The following PAPSS2 variants were observed in gnomAD, a reference collection of about 807,000 sequenced individuals.
PAPSS2 encodes bifunctional 3'-phosphoadenosine 5'-phosphosulfate synthase 2.
A neutral mutation model predicts 66.5 loss-of-function variants in PAPSS2; 61 were observed. The ratio of observed to expected loss-of-function variants is 0.92; its 90% CI spans 0.75 to 1.14. The LOEUF is 1.14. Among genes scored for constraint, PAPSS2 ranks in the 50% most tolerant of loss-of-function variants. The pLI is 0.00. For synonymous variants in PAPSS2, 289 were observed against 287.5 expected (o/e 1.01, Z -0.05); for missense variants, 708 against 789.6 (o/e 0.90, Z 1.24).
chr10:87,707,512 G>A (rs75461186), intron 1 of PAPSS2, among the ~76,000 whole-genome samples: 7 of 148,982 alleles, frequency 4.7e-5, no homozygotes, highest in African/African-American at 1.2e-4. Context: ...CTATTTTCCC[G>A]AAGTTTCTAT....
chr10:87,713,346 C>T lies in PAPSS2; in HGVS notation c.381+36C>T, dbSNP rs756350023. On this transcript the variant is annotated intron_variant, in intron 3 of 12. Transcript: ENST00000456849. ...AAAAAAAAAAAAAAGGCACTACACA[C>T]GATTCCCACACACAGTGCAAGTGCT... 2.8e-5 allele frequency: 31 copies of T among 1,105,542 alleles called. 1 individual carries two copies. The highest frequency in any genetic ancestry group is 1.0e-4 in the East Asian group (3 of 29,914). The allele number at this position is 1,105,542 out of a possible 1,614,324, so 68.5% of individuals were successfully genotyped here.
chr10:87,667,937 A>T (rs1852833464), intron 1 of PAPSS2, among the ~76,000 whole-genome samples: 2 of 152,232 alleles, frequency 1.3e-5, no homozygotes, highest in South Asian at 4.1e-4. Flanking sequence ...ATTTTTATCC[A>T]CCAAGCATCT....
chr10:87,676,810 C>G, intron 1 of PAPSS2, among the ~76,000 whole-genome samples: 1 of 138,562 alleles, frequency 7.2e-6, no homozygotes, highest in Non-Finnish European at 1.5e-5. Flanking sequence ...GGTTCCAGGC[C>G]TGCAGTAAGC....
intron 1 of PAPSS2, among the ~76,000 whole-genome samples, chr10:87,673,006 G>C (rs1357857815): frequency 6.6e-6 from 1 of 152,204 alleles, no homozygotes; most frequent in Non-Finnish European, 1.5e-5. Flanking sequence ...TGTGTGGCCT[G>C]AAAGGCTGAG....
chr10:87,740,753 A>G (rs1042432285), intron 9 of PAPSS2, among the ~76,000 whole-genome samples: 2 of 152,348 alleles, frequency 1.3e-5, no homozygotes, highest in Non-Finnish European at 1.5e-5. Context: ...AGCCAAAACA[A>G]TGTATTACTA....
At chr10:87,666,496 T>G (rs1392769106) in intron 1 of PAPSS2, among the ~76,000 whole-genome samples, 1 of 152,068 alleles carries the variant, frequency 6.6e-6, no homozygotes, top group Non-Finnish European at 1.5e-5. Flanking sequence ...CAAAAATCTT[T>G]GATTTAATCC....
intron 1 of PAPSS2, among the ~76,000 whole-genome samples, chr10:87,680,628 A>G (rs1239777860): frequency 1.3e-5 from 2 of 152,184 alleles, no homozygotes; most frequent in Admixed American, 1.3e-4. Flanking sequence ...AGAAAAATAT[A>G]TAAATTTTCA....
chr10:87,745,147 G>T lies in PAPSS2; in HGVS notation c.1637G>T (p.Gly546Val). 1 of 1,614,114 alleles carries T rather than the reference G, an allele frequency of 6.2e-7. No homozygotes were observed. The highest frequency in any genetic ancestry group is 1.7e-5 in the Admixed American group (1 of 60,022). Residue 546 changes from glycine (G) to valine (V), a missense_variant, in exon 12 of 13, where the codon GGC becomes GTC. Transcript: ENST00000456849. Reference sequence around the variant, plus strand: ...GGCAAGGTCTTGAGCATGGCCCCTGGCCTCACCTCTGTGGAAATCATTCCA... The same window carrying T: ...GGCAAGGTCTTGAGCATGGCCCCTGTCCTCACCTCTGTGGAAATCATTCCA... ...HGGKVLSMAP[G>V]LTSVEIIPFR... is the part of the protein sequence containing the mutation.
chr10:87,676,178 T>C (rs1852944202), intron 1 of PAPSS2, among the ~76,000 whole-genome samples: 1 of 152,114 alleles, frequency 6.6e-6, no homozygotes, highest in African/African-American at 2.4e-5. Context: ...CCATTCTTTC[T>C]TAGTGAGCTG....
rs753126603 is a variant in PAPSS2, at chr10:87,663,877, A to G, written c.27+3869A>G. On this transcript the variant is annotated intron_variant, in intron 1 of 12. Transcript: ENST00000456849. Reference sequence around the variant, plus strand: ...GGTTTGGCATACATAAAAAGAAAAAACAGCACACATCATACTGTTTTGAAG... The same window carrying G: ...GGTTTGGCATACATAAAAAGAAAAAGCAGCACACATCATACTGTTTTGAAG... 3.8e-4 allele frequency among the ~76,000 whole-genome samples: 58 copies of G among 152,308 alleles called. 1 individual carries two copies. The highest frequency in any genetic ancestry group is 1.7e-3 in the South Asian group (8 of 4,818).
intron 1 of PAPSS2, among the ~76,000 whole-genome samples, chr10:87,683,156 G>A (rs1301599138): frequency 1.4e-5 from 2 of 141,426 alleles, no homozygotes; most frequent in Admixed American, 1.5e-4. Context: ...GCAGTGGCAT[G>A]ATCTCAGCTT....
At position 87,713,098 on chromosome 10, in the gene PAPSS2, A is replaced by G. The variant is rs1853482580; in HGVS notation, c.169A>G (p.Thr57Ala). The G allele has an allele frequency of 2.5e-6, 4 of 1,612,198 alleles. No homozygotes were observed. Among genetic ancestry groups the G allele is most frequent in the Non-Finnish European group, 3.4e-6 (4 of 1,178,736 alleles). The change falls in exon 3 of 13, where the codon ACG (threonine) becomes GCG (alanine). Residue 57 changes from threonine (T) to alanine (A), a missense_variant. Thr to Ala is a moderately conservative substitution (Grantham distance 58, BLOSUM62 0). Coordinates refer to ENST00000456849, the MANE Select transcript of PAPSS2 (RefSeq NM_001015880.2). ...AGGTCTCTCTGGTGCTGGAAAAACA[A>G]CGATAAGTTTTGCCCTGGAGGAGTA... ...LTGLSGAGKT[T>A]ISFALEEYLV...
At chr10:87,721,824 T>G in intron 8 of PAPSS2, 54 bp downstream of exon 8, 1 of 1,029,306 alleles carries the variant, frequency 9.7e-7, no homozygotes. Context: ...ATATGTTAAA[T>G]TAACTGGAAA....
intron 1 of PAPSS2, among the ~76,000 whole-genome samples, chr10:87,662,728 C>T (rs576922021): frequency 6.6e-5 from 10 of 152,110 alleles, no homozygotes; most frequent in Non-Finnish European, 8.8e-5. Context: ...TCTGGAGACA[C>T]CCAATCTGAA....
chr10:87,664,020 C>CCT (rs775190781), intron 1 of PAPSS2, among the ~76,000 whole-genome samples: 29 of 152,244 alleles, frequency 1.9e-4, no homozygotes, highest in Middle Eastern at 6.8e-3. Context: ...GATCCTCCTG[C>CCT]CTCAGCCTCC....
At chr10:87,721,129 G>C (rs1033093523) in intron 7 of PAPSS2, among the ~76,000 whole-genome samples, 8 of 152,196 alleles carry the variant, frequency 5.3e-5, no homozygotes, top group African/African-American at 1.9e-4. Flanking sequence ...GTTTGACATA[G>C]ATTATTACAT....
chr10:87,706,413 T>A (rs1853390792), intron 1 of PAPSS2, among the ~76,000 whole-genome samples: 1 of 151,642 alleles, frequency 6.6e-6, no homozygotes, highest in African/African-American at 2.4e-5. Context: ...AAAAGGACAT[T>A]TAAATGCTAT....
Position 87,741,273 on chromosome 10 carries a change from C to T in PAPSS2, c.1125C>T (p.Asp375=), listed in dbSNP as rs1170305198. The T allele has an allele frequency of 6.2e-7, 1 of 1,613,538 alleles. No individual in the cohort carries two copies. Among genetic ancestry groups the T allele is most frequent in the Middle Eastern group, 1.7e-4 (1 of 6,060 alleles). The change falls in exon 10 of 13, where the codon GAC becomes GAT. Residue 375 remains aspartate, a synonymous_variant. Coordinates refer to ENST00000456849, the MANE Select transcript of PAPSS2 (RefSeq NM_001015880.2). The part of the protein sequence containing the change: ...MESGDWLVGG[D]LQVLEKIRWN... Reference sequence around the variant, plus strand: ...GTGGGGACTGGCTGGTTGGTGGAGACCTTCAGGTGCTGGAGAAAATAAGAT... The same window carrying T: ...GTGGGGACTGGCTGGTTGGTGGAGATCTTCAGGTGCTGGAGAAAATAAGAT...
chr10:87,679,668 G>A lies in PAPSS2; in HGVS notation c.27+19660G>A, dbSNP rs116414255. 3.9e-3 allele frequency among the ~76,000 whole-genome samples: 586 copies of A among 152,192 alleles called. 6 individuals are homozygous for A. Among genetic ancestry groups the A allele is most frequent in the African/African-American group, 0.013 (551 of 41,522 alleles). On this transcript the variant is annotated intron_variant, in intron 1 of 12. Coordinates refer to ENST00000456849, the MANE Select transcript of PAPSS2 (RefSeq NM_001015880.2). ...CAAGCGAAAACCTAGGGGATAATTT[G>A]TAACTCATAGGAGACATAGGACTGT...
Sources: gnomAD v4.1 joint callset for allele counts (sites outside exome capture counted in the v4.1 genomes callset) on GRCh38, gnomAD v4.1.1 for gene constraint, MANE v1.5 for transcripts, NCBI Gene and HGNC (gene_info 2026-07-23, HGNC 2026-07-21) for gene names.